PCDHGA3: variants seen among roughly 807,000 people sequenced by gnomAD.
PCDHGA3 encodes the protein protocadherin gamma-A3.
A neutral mutation model predicts 58.5 loss-of-function variants in PCDHGA3; 40 were observed. That is an observed-to-expected ratio of 0.68 (90% CI 0.53 to 0.89). The LOEUF (loss-of-function observed/expected upper bound fraction) is 0.89, where lower values mean the gene tolerates loss of function less well. Among genes scored for constraint, PCDHGA3 ranks in the 40% least tolerant of loss-of-function variants. The pLI, the probability that PCDHGA3 is intolerant of heterozygous loss-of-function variation, is 0.00. For synonymous variants in PCDHGA3, 530 were observed against 525.7 expected, an observed-to-expected ratio of 1.01 and a Z score of -0.11; for missense variants, 1,223 against 1,195.9, an observed-to-expected ratio of 1.02 and a Z score of -0.33.
chr5:141,388,663 C>A (rs770660956), intron 1 of PCDHGA3: 1 of 1,613,928 alleles, frequency 6.2e-7, no homozygotes, highest in Non-Finnish European at 8.5e-7. Context: ...CCGGGGACCA[C>A]GGTGCTACAG....
Position 141,344,651 on chromosome 5 carries a change from A to G in PCDHGA3, c.618A>G (p.Glu206=). 1.2e-6 allele frequency: 2 copies of G among 1,613,976 alleles called. No homozygotes were observed. Among genetic ancestry groups the G allele is most frequent in the Non-Finnish European group, 1.7e-6 (2 of 1,179,888 alleles). ...LERALDREKK[E]IHQLVLVASD... ...GGGCCCTGGACCGTGAGAAAAAAGA[A>G]ATTCACCAGCTTGTCCTGGTTGCCT... Residue 206 remains glutamate, a synonymous_variant, in exon 1 of 4, where the codon GAA becomes GAG. Transcript: ENST00000253812.
rs151293422 is a variant in PCDHGA3, at chr5:141,487,556, A to G, written c.2425-7251A>G. ...GATGGTGAAGTCACCCAGTGCACCT[A>G]TGGCAGGGGAGCCTGTTCGCCCAAG... On this transcript the variant is annotated intron_variant, in intron 1 of 3. Coordinates refer to ENST00000253812, the MANE Select transcript of PCDHGA3 (RefSeq NM_018916.4). This position sits in a 1 kb window ranked among gnomAD's most constrained non-coding sequence, Gnocchi z 5.0. 2,837 of 1,614,100 alleles carry G rather than the reference A, an allele frequency of 1.8e-3. 31 individuals are homozygous for G. The highest frequency in any genetic ancestry group is 1.2e-3 in the South Asian group (105 of 91,084).
In PCDHGA3 at chr5:141,384,899, G is replaced by A; in HGVS notation, c.2424+38442G>A. On this transcript the variant is annotated intron_variant, in intron 1 of 3. Transcript: ENST00000253812. ...ACACTCACCGTGGCTGTGGCTGACA[G>A]CATCCCCGAAGTCTTGGCCGACCTG... The A allele has an allele frequency of 1.9e-6, 3 of 1,613,894 alleles. No homozygotes were observed. In the East Asian group the frequency reaches 6.7e-5, roughly 36 times the overall value.
At chr5:141,400,031 G>T in intron 1 of PCDHGA3, 1 of 1,613,082 alleles carries the variant, frequency 6.2e-7, no homozygotes, top group Admixed American at 1.7e-5. Flanking sequence ...GACGCGGCCC[G>T]CCAGCGCCTG....
chr5:141,504,752 A>G (rs1194764381), intron 2 of PCDHGA3, among the ~76,000 whole-genome samples: 23 of 151,894 alleles, frequency 1.5e-4, no homozygotes, highest in Non-Finnish European at 3.2e-4. Flanking sequence ...TGAATTTTAG[A>G]AATTTCTTCT....
At chr5:141,387,320 A>C (rs1461293740) in intron 1 of PCDHGA3, among the ~76,000 whole-genome samples, 1 of 152,234 alleles carries the variant, frequency 6.6e-6, no homozygotes, top group East Asian at 1.9e-4. Flanking sequence ...ATGAGTAAGT[A>C]TGGAAAATTA....
chr5:141,366,286 C>T, intron 1 of PCDHGA3: 1 of 1,613,720 alleles, frequency 6.2e-7, no homozygotes. Flanking sequence ...ATGGCCAGCC[C>T]CCTCTGTCAG....
chr5:141,405,326 T>C (rs764056952), intron 1 of PCDHGA3: 2 of 1,614,220 alleles, frequency 1.2e-6, no homozygotes, highest in South Asian at 2.2e-5. Context: ...TGAGCCTTTG[T>C]GCGTCTCTGT....
At chr5:141,378,822 T>C (rs181427236) in intron 1 of PCDHGA3, 13 of 152,360 alleles carry the variant, frequency 8.5e-5, no homozygotes, top group Non-Finnish European at 1.6e-4. Flanking sequence ...CATTGTTTCA[T>C]GAACAGAAAA....
chr5:141,344,016 C>A lies in PCDHGA3; in HGVS notation c.-18C>A. ...AAACTGGAACCGAATTCAGAGAAAG[C>A]GATTCACCGAAAAGGAAATGACCAA... On this transcript the variant is annotated 5_prime_UTR_variant, in exon 1 of 4. Coordinates refer to ENST00000253812, the MANE Select transcript of PCDHGA3 (RefSeq NM_018916.4). 6.6e-7 allele frequency: 1 copy of A among 1,513,186 alleles called. No individual in the cohort carries two copies. Among genetic ancestry groups the A allele is most frequent in the Non-Finnish European group, 8.8e-7 (1 of 1,131,724 alleles). 93.7% of individuals were successfully genotyped at this position (1,513,186 alleles called of 1,614,324 possible).
rs989554651 is a variant in PCDHGA3 at position 141,372,743 on chromosome 5, T to C, written c.2424+26286T>C. 8 of 1,613,498 alleles carry C rather than the reference T, an allele frequency of 5.0e-6. No homozygotes were observed. In the Admixed American group the frequency reaches 5.0e-5, roughly 10 times the overall value. On this transcript the variant is annotated intron_variant, in intron 1 of 3. Transcript: ENST00000253812. ...CTGCACCACAAGATCTTCTATGTGA[T>C]GAAGCCTCTTGGTTTGAAAGTAATG...
At chr5:141,422,638 T>C (rs1412270971) in intron 1 of PCDHGA3, 1 of 1,612,392 alleles carries the variant, frequency 6.2e-7, no homozygotes, top group Non-Finnish European at 8.5e-7. Context: ...CAGGGGTGCC[T>C]CCATCTTCTC....
chr5:141,351,156 C>T lies in PCDHGA3; in HGVS notation c.2424+4699C>T, dbSNP rs995856696. On this transcript the variant is annotated intron_variant, in intron 1 of 3. Coordinates refer to ENST00000253812, the MANE Select transcript of PCDHGA3 (RefSeq NM_018916.4). Reference sequence around the variant, plus strand: ...AATCCAAATACTGGCGACATCACAACCAATGGCACATTGGATTTTGAAGAG... The same window carrying T: ...AATCCAAATACTGGCGACATCACAATCAATGGCACATTGGATTTTGAAGAG... 7 of 1,613,902 alleles carry T rather than the reference C, an allele frequency of 4.3e-6. No individual in the cohort carries two copies. The African/African-American group carries it at 5.3e-5, about 12-fold the overall frequency.
intron 1 of PCDHGA3, among the ~76,000 whole-genome samples, chr5:141,405,781 A>G (rs913529807): frequency 2.6e-5 from 4 of 151,674 alleles, no homozygotes; most frequent in African/African-American, 7.3e-5. Context: ...CCTGGCCCTT[A>G]ACTTTCTATT....
chr5:141,375,952 G>A (rs1032808913), intron 1 of PCDHGA3: 2 of 1,613,396 alleles, frequency 1.2e-6, no homozygotes, highest in Non-Finnish European at 1.7e-6. Context: ...GCCTGCACAC[G>A]GGCGAGGTGC....
intron 1 of PCDHGA3, among the ~76,000 whole-genome samples, chr5:141,346,805 A>G (rs1446286490): frequency 6.6e-6 from 1 of 152,214 alleles, no homozygotes; most frequent in African/African-American, 2.4e-5. Flanking sequence ...GAAACACAAC[A>G]CTGGTTTGTA....
intron 1 of PCDHGA3, among the ~76,000 whole-genome samples, chr5:141,430,040 T>C (rs1449876504): frequency 1.3e-5 from 2 of 152,232 alleles, no homozygotes; most frequent in African/African-American, 2.4e-5. Flanking sequence ...ATTCTGATAA[T>C]GTATACAATC....
intron 1 of PCDHGA3, chr5:141,384,513 G>A: frequency 6.2e-7 from 1 of 1,614,200 alleles, no homozygotes; most frequent in Non-Finnish European, 8.5e-7. Context: ...ATGACAGCGG[G>A]GACCCGCCTC....
chr5:141,413,211 G>A, intron 1 of PCDHGA3: 1 of 1,613,214 alleles, frequency 6.2e-7, no homozygotes, highest in South Asian at 1.1e-5. Context: ...AGGAATCAAA[G>A]GATTGCAGCG....
Sources: allele counts gnomAD v4.1 joint callset (sites outside exome capture counted in the v4.1 genomes callset), GRCh38; gene constraint gnomAD v4.1.1; non-coding constraint Gnocchi (gnomAD v3.1); transcripts MANE v1.5; gene names NCBI Gene and HGNC (gene_info 2026-07-23, HGNC 2026-07-21).